The following SYT9 variants were observed in gnomAD, a reference collection of about 807,000 sequenced individuals.
The protein encoded by SYT9 is synaptotagmin 9.
SYT9 carries 22 observed loss-of-function variants against 48.4 expected under a neutral mutation model. That is an observed-to-expected ratio of 0.45 (90% CI 0.32 to 0.65). The LOEUF (loss-of-function observed/expected upper bound fraction) is 0.65. Ranked by LOEUF, SYT9 falls within the 30% of genes least tolerant of loss-of-function variation. The pLI, the probability that SYT9 is intolerant of heterozygous loss-of-function variation, is 0.03. For synonymous variants in SYT9, 265 were observed against 245.0 expected (o/e 1.08, Z -0.76); for missense variants, 577 against 622.0 (o/e 0.93, Z 0.77).
chr11:7,420,659 C>T, intron 6 of SYT9, 24 bp downstream of exon 6: 2 of 1,613,826 alleles, frequency 1.2e-6, no homozygotes, highest in East Asian at 2.2e-5. Flanking sequence ...CCACATGCTC[C>T]ACTTTGCATA....
At chr11:7,466,150 C>A (rs1242513002) in intron 6 of SYT9, among the ~76,000 whole-genome samples, 1 of 152,216 alleles carries the variant, frequency 6.6e-6, no homozygotes, top group Non-Finnish European at 1.5e-5. Context: ...CAGTCTCTTT[C>A]CTCTACCCCA....
At chr11:7,246,063 A>G (rs1243346719) in intron 1 of SYT9, among the ~76,000 whole-genome samples, 1 of 151,390 alleles carries the variant, frequency 6.6e-6, no homozygotes. Flanking sequence ...TTTTTTTTTC[A>G]GTTACCATCT....
chr11:7,248,406 G>A (rs1847820490), upstream of SYT9, among the ~76,000 whole-genome samples: 1 of 152,002 alleles, frequency 6.6e-6, no homozygotes, highest in South Asian at 2.1e-4. Context: ...CCTTGCCTAA[G>A]CCAATGTCTA....
At chr11:7,351,047 T>A (rs1849905573) in intron 3 of SYT9, among the ~76,000 whole-genome samples, 1 of 152,100 alleles carries the variant, frequency 6.6e-6, no homozygotes, top group South Asian at 2.1e-4. Flanking sequence ...AAAGTCAAGA[T>A]CAAAGCGGCC....
chr11:7,266,768 G>A (rs927510159), intron 1 of SYT9, among the ~76,000 whole-genome samples: 6 of 152,020 alleles, frequency 3.9e-5, no homozygotes, highest in Admixed American at 2.6e-4. Flanking sequence ...AGGGTTTGCA[G>A]TGGTGTCCCA....
intron 3 of SYT9, among the ~76,000 whole-genome samples, chr11:7,371,842 G>A (rs561628612): frequency 6.6e-5 from 10 of 151,942 alleles, no homozygotes; most frequent in African/African-American, 9.7e-5. Context: ...TTCCTTTTTC[G>A]TTGTTAAATA....
At chr11:7,413,262 T>C (rs1401694149) in intron 3 of SYT9, among the ~76,000 whole-genome samples, 1 of 152,146 alleles carries the variant, frequency 6.6e-6, no homozygotes, top group Non-Finnish European at 1.5e-5. Context: ...CACAAAAGTA[T>C]CTGGCCTCAT....
chr11:7,428,239 A>C (rs1012932750), intron 6 of SYT9, among the ~76,000 whole-genome samples: 4 of 152,204 alleles, frequency 2.6e-5, no homozygotes, highest in Admixed American at 2.6e-4. Flanking sequence ...CAGAAAGTCA[A>C]CTGCATCTTG....
intron 1 of SYT9, among the ~76,000 whole-genome samples, chr11:7,264,641 A>T (rs1382466725): frequency 6.6e-6 from 1 of 151,948 alleles, no homozygotes; most frequent in African/African-American, 2.4e-5. Flanking sequence ...AGAGAATGAG[A>T]TGTTTGAAAT....
At chr11:7,318,396 C>A (rs982854179) in intron 3 of SYT9, among the ~76,000 whole-genome samples, 1 of 152,034 alleles carries the variant, frequency 6.6e-6, no homozygotes, top group Non-Finnish European at 1.5e-5. Context: ...TCACTGCAAC[C>A]TCTGCCTTCA....
intron 1 of SYT9, among the ~76,000 whole-genome samples, chr11:7,269,414 A>G (rs891034853): frequency 1.3e-5 from 2 of 152,188 alleles, no homozygotes; most frequent in African/African-American, 4.8e-5. Flanking sequence ...AAACAATAAC[A>G]GCAGGTTAGA....
intron 6 of SYT9, among the ~76,000 whole-genome samples, chr11:7,463,000 A>G (rs1848261467): frequency 1.3e-5 from 2 of 152,222 alleles, no homozygotes; most frequent in African/African-American, 2.4e-5. Context: ...TTTCAATTCA[A>G]TTTAATTCAA....
intron 2 of SYT9, among the ~76,000 whole-genome samples, chr11:7,308,253 C>T (rs1849067979): frequency 6.6e-6 from 1 of 152,216 alleles, no homozygotes; most frequent in Non-Finnish European, 1.5e-5. Context: ...ATTTGCTTCT[C>T]TCTTTTTTCT....
chr11:7,413,665 C>G (rs1447736918), intron 3 of SYT9, among the ~76,000 whole-genome samples: 2 of 152,052 alleles, frequency 1.3e-5, no homozygotes, highest in Non-Finnish European at 1.5e-5. Context: ...TTCCAGTGTT[C>G]TCTCTTAGAT....
In SYT9 at chr11:7,346,677, C is replaced by A. The variant is rs114481519; in HGVS notation, c.1044+32736C>A. ...AAATCAGTCTCACTTCAACTTGCGT[C>A]CCTTTTAAATTTTAAAATGTTTTAC... On this transcript the variant is annotated intron_variant, in intron 3 of 6. Transcript: ENST00000318881. Among the ~76,000 whole-genome samples the A allele has an allele frequency of 2.6e-3, 392 of 152,236 alleles. 2 individuals are homozygous for A. Among genetic ancestry groups the A allele is most frequent in the African/African-American group, 8.9e-3 (368 of 41,530 alleles).
chr11:7,364,240 A>G (rs1434978810), intron 3 of SYT9, among the ~76,000 whole-genome samples: 1 of 152,228 alleles, frequency 6.6e-6, no homozygotes, highest in Non-Finnish European at 1.5e-5. Flanking sequence ...TAAAGATGCA[A>G]ACCTCTTTGT....
chr11:7,346,390 G>C (rs1165819488), intron 3 of SYT9, among the ~76,000 whole-genome samples: 1 of 152,214 alleles, frequency 6.6e-6, no homozygotes, highest in Non-Finnish European at 1.5e-5. Flanking sequence ...CGAATGGATG[G>C]GACCCAGAAC....
chr11:7,319,608 T>C (rs1371373592), intron 3 of SYT9, among the ~76,000 whole-genome samples: 2 of 152,214 alleles, frequency 1.3e-5, no homozygotes, highest in Non-Finnish European at 2.9e-5. Flanking sequence ...AGTTTTCTTA[T>C]GGTAGTGCAA....
At chr11:7,405,289 C>T (rs1846984511) in intron 3 of SYT9, among the ~76,000 whole-genome samples, 1 of 152,016 alleles carries the variant, frequency 6.6e-6, no homozygotes, top group Non-Finnish European at 1.5e-5. Flanking sequence ...GAGCTCTACC[C>T]ACTAGATATC....
Sources: gnomAD v4.1 joint callset for allele counts (sites outside exome capture counted in the v4.1 genomes callset) on GRCh38, gnomAD v4.1.1 for gene constraint, MANE v1.5 for transcripts, NCBI Gene and HGNC (gene_info 2026-07-23, HGNC 2026-07-21) for gene names.